The following ANOS1 variants were observed in gnomAD, a reference collection of about 807,000 sequenced individuals.
ANOS1 encodes the protein anosmin-1.
Under a neutral mutation model 59.0 loss-of-function variants are expected in ANOS1, and 6 were observed. The ratio of observed to expected loss-of-function variants is 0.10; its 90% CI spans 0.06 to 0.20. The LOEUF is 0.20. ANOS1 is among the 10% of genes least tolerant of loss of function. The pLI, the probability that ANOS1 is intolerant of heterozygous loss-of-function variation, is 1.00. For synonymous variants in ANOS1, 217 were observed against 223.4 expected (o/e 0.97, Z 0.25); for missense variants, 433 against 542.3 (o/e 0.80, Z 2.00).
chrX:8,638,179 T>A (rs5978928), intron 2 of ANOS1, among the ~76,000 whole-genome samples: 307 of 111,234 alleles, frequency 2.8e-3, no homozygotes, highest in Non-Finnish European at 4.8e-3. Context: ...TTCTAGTTTA[T>A]GTACCTAGAG....
chrX:8,728,445 T>C (rs1457245037), intron 1 of ANOS1, among the ~76,000 whole-genome samples: 2 of 111,731 alleles, frequency 1.8e-5, no homozygotes, highest in Non-Finnish European at 3.8e-5. Flanking sequence ...CCACTGGGCA[T>C]ATGAAGGGTT....
chrX:8,730,351 G>T (rs1185696823), intron 1 of ANOS1, among the ~76,000 whole-genome samples: 1 of 112,057 alleles, frequency 8.9e-6, no homozygotes, highest in Non-Finnish European at 1.9e-5. Context: ...TGAGCACTGG[G>T]TCTTCCATTC....
intron 2 of ANOS1, among the ~76,000 whole-genome samples, chrX:8,640,322 G>A (rs758121982): frequency 9.0e-6 from 1 of 111,077 alleles, no homozygotes; most frequent in Non-Finnish European, 1.9e-5. Context: ...GGGGGAGGGA[G>A]AGGAAGGGAA....
chrX:8,556,500 A>C (rs1473508109), intron 8 of ANOS1, among the ~76,000 whole-genome samples: 4 of 112,093 alleles, frequency 3.6e-5, no homozygotes, highest in South Asian at 7.4e-4. Flanking sequence ...ATACAAAATC[A>C]ATGTGCAAAA....
In ANOS1 at chrX:8,699,748, G is replaced by A; in HGVS notation, c.208-3C>T. ...CACCAAACCAGGGAACCATTGTTCT[G>A]CAAAAAGAAAAAGGAAAAATATTGA... On this transcript the variant is annotated splice_polypyrimidine_tract_variant and splice_region_variant and intron_variant, in intron 1 of 13. Coordinates refer to ENST00000262648, the MANE Select transcript of ANOS1 (RefSeq NM_000216.4). 1.7e-6 allele frequency: 2 copies of A among 1,186,318 alleles called. No homozygotes were observed. Among genetic ancestry groups the A allele is most frequent in the African/African-American group, 1.7e-5 (1 of 57,174 alleles).
At chrX:8,548,664 G>C (rs1929808034) in intron 9 of ANOS1, among the ~76,000 whole-genome samples, 1 of 112,354 alleles carries the variant, frequency 8.9e-6, no homozygotes, top group Non-Finnish European at 1.9e-5. Context: ...GTTTTGACTG[G>C]AGGCTACACT....
intron 3 of ANOS1, among the ~76,000 whole-genome samples, chrX:8,616,254 T>C (rs1051066978): frequency 9.0e-6 from 1 of 111,670 alleles, no homozygotes; most frequent in African/African-American, 3.3e-5. Context: ...ACGCAACTGA[T>C]TACCTCTTCC....
intron 2 of ANOS1, among the ~76,000 whole-genome samples, chrX:8,694,401 G>A: frequency 8.9e-6 from 1 of 112,644 alleles, no homozygotes; most frequent in East Asian, 2.8e-4. Flanking sequence ...GGGCATGGTG[G>A]CTCACGCCTG....
At chrX:8,586,960 A>G (rs1208055770) in intron 5 of ANOS1, among the ~76,000 whole-genome samples, 1 of 110,058 alleles carries the variant, frequency 9.1e-6, no homozygotes, top group Non-Finnish European at 1.9e-5. Flanking sequence ...TACTGAAAAA[A>G]AAAAAAATAG....
rs192161061 is a variant in ANOS1 at position 8,623,553 on chromosome X, G to C, written c.318+55C>G. The stretch of plus-strand genomic sequence containing the variant: ...GGCCCATTCATTCCCATGACCCCAC[G>C]TAAGCATAGTCAGATTTGGGTCAAG... On this transcript the variant is annotated intron_variant, in intron 3 of 13. Coordinates refer to ENST00000262648, the MANE Select transcript of ANOS1 (RefSeq NM_000216.4). The C allele has an allele frequency of 1.6e-5, 14 of 901,387 alleles. No individual in the cohort carries two copies. The South Asian group carries it at 2.6e-4, about 17-fold the overall frequency. The allele number at this position is 901,387 out of a possible 1,213,427, so 74.3% of individuals were successfully genotyped here.
chrX:8,561,422 CCAGAGTAGCTGGGACTA>C lies in ANOS1; in HGVS notation c.1207+6793_1207+6809del, dbSNP rs769005937. ...TCATGCCATTCTCCTGCCTCAGCCT[CCAGAGTAGCTGGGACTA>C]CAGGCGCTCACCACCATGCCCGGCT... is the stretch of plus-strand genomic sequence containing the variant. On this transcript the variant is annotated intron_variant, in intron 8 of 13. Transcript: ENST00000262648. Among the ~76,000 whole-genome samples the C allele has an allele frequency of 8.1e-3, 882 of 108,281 alleles. 12 individuals are homozygous for C. The highest frequency in any genetic ancestry group is 0.028 in the African/African-American group (839 of 29,614). 94.0% of individuals were successfully genotyped at this position (108,281 alleles called of 115,157 possible). A position where few individuals can be genotyped will look rare whatever the true frequency, so the allele number is the denominator to read the frequency against.
intron 1 of ANOS1, among the ~76,000 whole-genome samples, chrX:8,725,491 C>T (rs1280317679): frequency 3.9e-5 from 4 of 103,688 alleles, no homozygotes; most frequent in African/African-American, 1.4e-4. Flanking sequence ...TCCAAATACA[C>T]ACATGTGGAT....
chrX:8,725,958 C>A (rs147426061), intron 1 of ANOS1, among the ~76,000 whole-genome samples: 1 of 109,941 alleles, frequency 9.1e-6, no homozygotes, highest in Non-Finnish European at 1.9e-5. Flanking sequence ...GTGTTAGAAA[C>A]GCAGCCAGAG....
At position 8,661,044 on chromosome X, in the gene ANOS1, C is replaced by A. The variant is rs777057869; in HGVS notation, c.256-37374G>T. 1.1e-4 allele frequency among the ~76,000 whole-genome samples: 12 copies of A among 111,562 alleles called. No individual in the cohort carries two copies. In the South Asian group the frequency reaches 4.6e-3, roughly 42 times the overall value. On this transcript the variant is annotated intron_variant, in intron 2 of 13. Transcript: ENST00000262648. ...ACAACAGACTATTTATTTTCCCACA[C>A]CCCTGGAGGCTGGAAGTTGAAAATC...
At chrX:8,657,138 T>A (rs772775440) in intron 2 of ANOS1, among the ~76,000 whole-genome samples, 1 of 112,638 alleles carries the variant, frequency 8.9e-6, no homozygotes, top group South Asian at 3.7e-4. Context: ...GCATGAAGCC[T>A]CAGTAAAAAC....
chrX:8,718,511 A>G (rs1286138585), intron 1 of ANOS1, among the ~76,000 whole-genome samples: 7 of 112,603 alleles, frequency 6.2e-5, no homozygotes, highest in Admixed American at 3.7e-4. Context: ...TTGTCAAAAC[A>G]TGTTCACAAC....
At chrX:8,614,211 C>A (rs771624628) in intron 3 of ANOS1, among the ~76,000 whole-genome samples, 1 of 111,691 alleles carries the variant, frequency 9.0e-6, no homozygotes, top group African/African-American at 3.3e-5. Context: ...ACACTCCTGA[C>A]AGCATTCATT....
chrX:8,666,852 C>G (rs965056757), intron 2 of ANOS1, among the ~76,000 whole-genome samples: 1 of 111,840 alleles, frequency 8.9e-6, no homozygotes, highest in Admixed American at 9.5e-5. Flanking sequence ...GACTCTCACA[C>G]AACTCACTTC....
chrX:8,705,306 G>A (rs144870676), intron 1 of ANOS1, among the ~76,000 whole-genome samples: 3,388 of 111,798 alleles, frequency 0.03, 63 homozygotes, highest in Non-Finnish European at 0.048. Flanking sequence ...TTTCCACAAG[G>A]AAATTTTATA....
Sources: gnomAD v4.1 joint callset for allele counts (sites outside exome capture counted in the v4.1 genomes callset) on GRCh38, gnomAD v4.1.1 for gene constraint, MANE v1.5 for transcripts, NCBI Gene and HGNC (gene_info 2026-07-23, HGNC 2026-07-21) for gene names.